The following RAB27A variants were observed in gnomAD, a reference collection of about 807,000 sequenced individuals.
The protein encoded by RAB27A is ras-related protein Rab-27A.
RAB27A carries 17 observed loss-of-function variants against 20.8 expected under a neutral mutation model. The ratio of observed to expected loss-of-function variants is 0.82; its 90% confidence interval spans 0.56 to 1.23. The LOEUF (loss-of-function observed/expected upper bound fraction) is 1.23. Among genes scored for constraint, RAB27A ranks in the 50% most tolerant of loss-of-function variants. The pLI is 0.00. For synonymous variants in RAB27A, 85 were observed against 92.8 expected, an observed-to-expected ratio of 0.92 and a Z score of 0.48; for missense variants, 277 against 266.7, an observed-to-expected ratio of 1.04 and a Z score of -0.27.
intron 2 of RAB27A, among the ~76,000 whole-genome samples, chr15:55,262,641 G>GTTTT (rs112757960): frequency 0.25 from 35,761 of 142,594 alleles, 5,275 homozygotes; most frequent in East Asian, 0.54. Context: ...CTTTTTTTTT[G>GTTTT]TTTTTTTTTG....
intron 2 of RAB27A, among the ~76,000 whole-genome samples, chr15:55,264,158 C>G (rs761074631): frequency 4.6e-5 from 7 of 152,180 alleles, no homozygotes; most frequent in Non-Finnish European, 1.0e-4. Flanking sequence ...TCAGGTGATT[C>G]TCATGCCTCA....
chr15:55,249,273 G>A (rs552546427), intron 2 of RAB27A, among the ~76,000 whole-genome samples: 1 of 152,104 alleles, frequency 6.6e-6, no homozygotes, highest in Non-Finnish European at 1.5e-5. Flanking sequence ...AATTTAAGAG[G>A]AATTAAGTGT....
At chr15:55,222,409 C>T (rs563642970) in intron 6 of RAB27A, among the ~76,000 whole-genome samples, 1 of 152,298 alleles carries the variant, frequency 6.6e-6, no homozygotes, top group Non-Finnish European at 1.5e-5. Context: ...CCTCTGCCCA[C>T]CTCACAGACC....
intron 2 of RAB27A, among the ~76,000 whole-genome samples, chr15:55,301,507 G>A (rs1360248441): frequency 6.9e-6 from 1 of 144,368 alleles, no homozygotes; most frequent in Non-Finnish European, 1.6e-5. Flanking sequence ...GTGTCTTTAT[G>A]ACAGCTTTGA....
chr15:55,236,532 A>C (rs1896264687), intron 2 of RAB27A, among the ~76,000 whole-genome samples: 1 of 152,160 alleles, frequency 6.6e-6, no homozygotes, highest in African/African-American at 2.4e-5. Flanking sequence ...ACTAAAACAA[A>C]AGTCCACCTT....
chr15:55,307,510 G>A (rs532326395), intron 2 of RAB27A, among the ~76,000 whole-genome samples: 16 of 151,996 alleles, frequency 1.1e-4, no homozygotes, highest in African/African-American at 3.4e-4. Flanking sequence ...TATACCTAAC[G>A]CCTGGGATAC....
chr15:55,279,181 C>T (rs1399449491), intron 1 of RAB27A, among the ~76,000 whole-genome samples: 1 of 152,158 alleles, frequency 6.6e-6, no homozygotes, highest in Non-Finnish European at 1.5e-5. Context: ...TTAATAAAGG[C>T]CCCCATGGCC....
intron 1 of RAB27A, among the ~76,000 whole-genome samples, chr15:55,286,384 G>T (rs1237609873): frequency 1.3e-5 from 2 of 152,170 alleles, no homozygotes; most frequent in Non-Finnish European, 2.9e-5. Flanking sequence ...TTGTGTGTGT[G>T]TGCTGGTCTG....
At chr15:55,306,693 C>A (rs569539050) in intron 2 of RAB27A, among the ~76,000 whole-genome samples, 2 of 152,164 alleles carry the variant, frequency 1.3e-5, no homozygotes, top group South Asian at 4.2e-4. Context: ...TGGGTGTGGG[C>A]GGTGAAGGCG....
At chr15:55,275,897 A>G (rs541470776) in intron 1 of RAB27A, among the ~76,000 whole-genome samples, 7 of 144,784 alleles carry the variant, frequency 4.8e-5, no homozygotes, top group African/African-American at 1.8e-4. Flanking sequence ...TGATTACCTC[A>G]CATCTGCTAG....
chr15:55,252,703 C>G (rs1213918158), intron 2 of RAB27A, among the ~76,000 whole-genome samples: 1 of 150,646 alleles, frequency 6.6e-6, no homozygotes, highest in Non-Finnish European at 1.5e-5. Context: ...TACAGATATA[C>G]GTATCTATCT....
intron 1 of RAB27A, among the ~76,000 whole-genome samples, chr15:55,285,991 T>C (rs894370685): frequency 6.6e-6 from 1 of 152,216 alleles, no homozygotes; most frequent in Non-Finnish European, 1.5e-5. Flanking sequence ...GATAAGACTA[T>C]TATTTTTGGG....
At chr15:55,237,192 C>T (rs1595702583) in intron 2 of RAB27A, 2 of 152,298 alleles carry the variant, frequency 1.3e-5, no homozygotes, top group Admixed American at 6.5e-5. Flanking sequence ...AACTTGGCTG[C>T]CATATTCAGT....
At chr15:55,280,503 TTATATATATATA>T (rs71297648) in intron 1 of RAB27A, among the ~76,000 whole-genome samples, 1 of 137,932 alleles carries the variant, frequency 7.2e-6, no homozygotes. Flanking sequence ...TGGGTATGGT[TTATATATATATA>T]TATATATATA....
At chr15:55,302,288 C>G (rs146093787) in intron 2 of RAB27A, among the ~76,000 whole-genome samples, 1 of 152,172 alleles carries the variant, frequency 6.6e-6, no homozygotes, top group African/African-American at 2.4e-5. Flanking sequence ...TTGGCCGGGC[C>G]GGTCTCCAGC....
chr15:55,303,681 C>T (rs1354048494), intron 2 of RAB27A, among the ~76,000 whole-genome samples: 5 of 125,580 alleles, frequency 4.0e-5, no homozygotes, highest in South Asian at 2.8e-4. Context: ...CCCCCCTGCC[C>T]GGCCAGCCGC....
At chr15:55,215,894 C>A (rs570093889) in intron 6 of RAB27A, among the ~76,000 whole-genome samples, 1 of 139,852 alleles carries the variant, frequency 7.2e-6, no homozygotes, top group Non-Finnish European at 1.5e-5. Flanking sequence ...TGCAGTGAGC[C>A]GAGATCGTGC....
chr15:55,212,687 G>A (rs1018255995), intron 6 of RAB27A, among the ~76,000 whole-genome samples: 5 of 151,838 alleles, frequency 3.3e-5, no homozygotes, highest in Admixed American at 1.3e-4. Flanking sequence ...CTGCCACCAC[G>A]CCCGTTTAAT....
intron 2 of RAB27A, among the ~76,000 whole-genome samples, chr15:55,308,833 T>A (rs2055008654): frequency 6.6e-6 from 1 of 152,186 alleles, no homozygotes; most frequent in Non-Finnish European, 1.5e-5. Context: ...TAAAATCTCT[T>A]CCCTGTATTA....
Sources: allele counts gnomAD v4.1 joint callset (sites outside exome capture counted in the v4.1 genomes callset), GRCh38; gene constraint gnomAD v4.1.1; transcripts MANE v1.5; gene names NCBI Gene and HGNC (gene_info 2026-07-23, HGNC 2026-07-21).